CCNF: variants seen among roughly 807,000 people sequenced by gnomAD.
CCNF encodes the protein cyclin-F.
Under a neutral mutation model 85.4 loss-of-function variants are expected in CCNF, and 30 were observed. That is an observed-to-expected ratio of 0.35 (90% CI 0.26 to 0.48). The LOEUF (loss-of-function observed/expected upper bound fraction) is 0.48, where lower values mean the gene tolerates loss of function less well. Ranked by LOEUF, CCNF falls within the 20% of genes least tolerant of loss-of-function variation. CCNF has a pLI of 0.99. For missense variants in CCNF, 919 were observed against 1,010.4 expected (o/e 0.91, Z 1.23); for synonymous variants, 439 against 425.1 (o/e 1.03, Z -0.40).
chr16:2,429,510 C>T lies in CCNF; in HGVS notation c.16+13C>T, dbSNP rs1422178392. The T allele has an allele frequency of 9.8e-6, 12 of 1,230,634 alleles. No individual in the cohort carries two copies. Among genetic ancestry groups the T allele is most frequent in the South Asian group, 4.1e-5 (1 of 24,422 alleles). 76.2% of individuals were successfully genotyped at this position (1,230,634 alleles called of 1,614,324 possible). ...GGGAGCGGCGGCGGTGAGTGCGGGG[C>T]GATGTCCGCTGGTTTCTGCCCCACA... On this transcript the variant is annotated intron_variant, in intron 1 of 16. Transcript: ENST00000397066.
chr16:2,439,928 G>C, intron 8 of CCNF, 102 bp downstream of exon 8: 2 of 973,046 alleles, frequency 2.1e-6, no homozygotes, highest in Non-Finnish European at 3.2e-6. Context: ...GACTATCTGG[G>C]CTCCCACATG....
At chr16:2,455,286 C>A in intron 15 of CCNF, 109 bp from the exon 16 acceptor site, 1 of 1,334,666 alleles carries the variant, frequency 7.5e-7, no homozygotes, top group Non-Finnish European at 1.0e-6. Flanking sequence ...CCTTTGGGAG[C>A]ACGTGGTGAC....
rs1029277510 is a variant in CCNF, at chr16:2,456,489, G to A, written c.1886-56G>A. Reference sequence around the variant, plus strand: ...CTTCAGGGTCCTGACCTGGCAGGGGGTCTCCCCTGATGCTTGGGTGTGACA... The same window carrying A: ...CTTCAGGGTCCTGACCTGGCAGGGGATCTCCCCTGATGCTTGGGTGTGACA... On this transcript the variant is annotated intron_variant, in intron 16 of 16. Transcript: ENST00000397066. The surrounding 1 kb of genome is among the most constrained non-coding windows in gnomAD (Gnocchi z 4.5). 7.9e-7 allele frequency: 1 copy of A among 1,262,656 alleles called. No individual in the cohort carries two copies. The highest frequency in any genetic ancestry group is 2.5e-5 in the Admixed American group (1 of 39,272). The allele number at this position is 1,262,656 out of a possible 1,614,324, so 78.2% of individuals were successfully genotyped here.
Position 2,455,497 on chromosome 16 carries a change from C to T in CCNF, c.1818C>T (p.Asp606=), listed in dbSNP as rs2065421888. ...AGACGCTGCTGGGCAGCTTCCTCGA[C>T]TGGAGCCTGGACTGCTGCTCTGGCT... is the stretch of plus-strand genomic sequence containing the variant. ...QEETLLGSFL[D]WSLDCCSGYE... The change falls in exon 16 of 17, where the codon GAC becomes GAT. Residue 606 remains aspartate, a synonymous_variant. Transcript: ENST00000397066. The T allele has an allele frequency of 6.2e-7, 1 of 1,607,404 alleles. No homozygotes were observed. Among genetic ancestry groups the T allele is most frequent in the Non-Finnish European group, 8.5e-7 (1 of 1,174,816 alleles).
chr16:2,437,706 T>C (rs1172620278), intron 5 of CCNF: 4 of 317,392 alleles, frequency 1.3e-5, no homozygotes, highest in Non-Finnish European at 1.8e-5. Flanking sequence ...CTGGGCAACA[T>C]GATGAAATCT....
At chr16:2,445,672 G>T in intron 10 of CCNF, 50 bp downstream of exon 10, 1 of 1,562,792 alleles carries the variant, frequency 6.4e-7, no homozygotes, top group Non-Finnish European at 8.7e-7. Context: ...GCCTTTCCCG[G>T]GTTCAGGGTC....
intron 8 of CCNF, among the ~76,000 whole-genome samples, chr16:2,440,925 C>T (rs1344698936): frequency 6.6e-6 from 1 of 151,982 alleles, no homozygotes; most frequent in East Asian, 1.9e-4. Context: ...TCCATCTCGA[C>T]AAAAAATTTT....
intron 8 of CCNF, among the ~76,000 whole-genome samples, chr16:2,440,123 G>A (rs929771888): frequency 2.6e-5 from 4 of 152,188 alleles, no homozygotes; most frequent in African/African-American, 9.7e-5. Flanking sequence ...CAAAATTTGT[G>A]CCATTCTTGA....
At chr16:2,440,132 GA>G (rs2065313573) in intron 8 of CCNF, among the ~76,000 whole-genome samples, 1 of 152,178 alleles carries the variant, frequency 6.6e-6, no homozygotes, top group Admixed American at 6.5e-5. Context: ...TGCCATTCTT[GA>G]AAGTTGTCCC....
intron 3 of CCNF, 140 bp from the exon 4 acceptor site, chr16:2,435,666 C>CATATATATATATATATATATAT (rs71148135): frequency 2.4e-5 from 1 of 42,332 alleles, no homozygotes; most frequent in Non-Finnish European, 3.7e-5. Flanking sequence ...CACACACACA[C>CATATATATATATATATATATAT]ATATATATAT....
chr16:2,442,074 C>T (rs186465450), intron 8 of CCNF, among the ~76,000 whole-genome samples: 6 of 144,128 alleles, frequency 4.2e-5, no homozygotes, highest in Admixed American at 2.9e-4. Context: ...GGCACAATCT[C>T]GGCTCACCAC....
chr16:2,445,381 A>G (rs1289393526), intron 9 of CCNF, 77 bp from the exon 10 acceptor site: 3 of 1,525,554 alleles, frequency 2.0e-6, no homozygotes, highest in East Asian at 2.3e-5. Context: ...GTCGGGCCCA[A>G]CAGGTGGGGT....
At chr16:2,450,017 G>A (rs2065385759) in intron 13 of CCNF, 102 bp downstream of exon 13, 1 of 818,048 alleles carries the variant, frequency 1.2e-6, no homozygotes, top group East Asian at 2.5e-5. Context: ...GACCAGCCTG[G>A]CCAACATGGT....
intron 7 of CCNF, 43 bp from the exon 8 acceptor site, chr16:2,439,706 C>A: frequency 6.4e-7 from 1 of 1,552,206 alleles, no homozygotes; most frequent in East Asian, 2.3e-5. Flanking sequence ...GAGTTCCTCC[C>A]AAGACACAGT....
At chr16:2,436,022 C>A in intron 4 of CCNF, 149 bp downstream of exon 4, 1 of 554,262 alleles carries the variant, frequency 1.8e-6, no homozygotes, top group South Asian at 2.4e-5. Context: ...GAGCTCGTGC[C>A]CAGATGTACC....
chr16:2,448,027 C>T (rs1245364566), intron 10 of CCNF, among the ~76,000 whole-genome samples: 2 of 152,242 alleles, frequency 1.3e-5, no homozygotes, highest in African/African-American at 2.4e-5. Flanking sequence ...TGCGGGGGGC[C>T]GCTGGAGCAG....
chr16:2,435,664 CACATATAT>C (rs1391362872), intron 3 of CCNF, 134 bp from the exon 4 acceptor site: 28 of 165,256 alleles, frequency 1.7e-4, no homozygotes, highest in African/African-American at 7.3e-4. Flanking sequence ...TGCACACACA[CACATATAT>C]ATATATATAT....
intron 11 of CCNF, 38 bp from the exon 12 acceptor site, chr16:2,449,244 C>G: frequency 6.2e-7 from 1 of 1,609,326 alleles, no homozygotes; most frequent in Non-Finnish European, 8.5e-7. Flanking sequence ...AAGGAGCCCC[C>G]GAGCGCTGAG....
intron 16 of CCNF, 93 bp downstream of exon 16, chr16:2,455,657 G>A: frequency 6.9e-7 from 1 of 1,459,584 alleles, no homozygotes; most frequent in Non-Finnish European, 9.1e-7. Context: ...TGCGAGCGCT[G>A]TGGGAGGAAG....
Sources: gnomAD v4.1 joint callset for allele counts (sites outside exome capture counted in the v4.1 genomes callset) on GRCh38, gnomAD v4.1.1 for gene constraint, Gnocchi (gnomAD v3.1) non-coding constraint, MANE v1.5 for transcripts, NCBI Gene and HGNC (gene_info 2026-07-23, HGNC 2026-07-21) for gene names.